The following PIAS4 variants were observed in gnomAD, a reference collection of about 807,000 sequenced individuals.
PIAS4 encodes the protein protein inhibitor of activated STAT 4, also known as E3 SUMO-protein ligase PIAS4.
In PIAS4, 7 loss-of-function variants were observed where a neutral mutation model predicts 58.0. That is an observed-to-expected ratio of 0.12 (90% CI 0.07 to 0.23). PIAS4 has a LOEUF of 0.23. Ranked by LOEUF, PIAS4 falls within the 10% of genes least tolerant of loss-of-function variation. The pLI, the probability that PIAS4 is intolerant of heterozygous loss-of-function variation, is 1.00. For synonymous variants in PIAS4, 364 were observed against 312.4 expected (o/e 1.17, Z -1.74); for missense variants, 550 against 709.5 (o/e 0.78, Z 2.55).
At chr19:4,034,798 G>A (rs1362095184) in intron 9 of PIAS4, among the ~76,000 whole-genome samples, 1 of 152,186 alleles carries the variant, frequency 6.6e-6, no homozygotes, top group Non-Finnish European at 1.5e-5. Context: ...CATGGGACTC[G>A]GTGTAGCCAG....
chr19:4,019,898 G>A (rs1048650205), intron 2 of PIAS4, among the ~76,000 whole-genome samples: 3 of 151,984 alleles, frequency 2.0e-5, no homozygotes, highest in Admixed American at 1.3e-4. Context: ...GCTGGGAGCC[G>A]AGCCCAGGGA....
intron 7 of PIAS4, among the ~76,000 whole-genome samples, chr19:4,031,104 G>T (rs1599230163): frequency 6.6e-6 from 1 of 152,028 alleles, no homozygotes. Flanking sequence ...AGCTGCCCAG[G>T]CCCCTGTGCC....
intron 1 of PIAS4, 35 bp from the exon 2 acceptor site, chr19:4,012,888 G>T (rs1277234830): frequency 1.3e-6 from 2 of 1,578,808 alleles, no homozygotes; most frequent in African/African-American, 2.7e-5. Flanking sequence ...TCGCAGCTGT[G>T]TCCTCTGAGT....
At chr19:4,011,657 T>A (rs925861410) in intron 1 of PIAS4, among the ~76,000 whole-genome samples, 27 of 111,248 alleles carry the variant, frequency 2.4e-4, no homozygotes, top group African/African-American at 1.0e-3. Flanking sequence ...GGAGGTGTGT[T>A]TGGTGTGGAG....
intron 2 of PIAS4, among the ~76,000 whole-genome samples, chr19:4,023,671 C>G (rs897321722): frequency 6.6e-6 from 1 of 152,194 alleles, no homozygotes; most frequent in Non-Finnish European, 1.5e-5. Context: ...GGTTTGTGCT[C>G]AGGAGAGAGG....
In PIAS4 at chr19:4,013,453, C is replaced by A; in HGVS notation, c.454+104C>A. The A allele has an allele frequency of 9.3e-7, 1 of 1,078,956 alleles. No individual in the cohort carries two copies. The highest frequency in any genetic ancestry group is 1.5e-5 in the South Asian group (1 of 66,852). 66.8% of individuals were successfully genotyped at this position (1,078,956 alleles called of 1,614,324 possible). On this transcript the variant is annotated intron_variant, in intron 2 of 10. Coordinates refer to ENST00000262971, the MANE Select transcript of PIAS4 (RefSeq NM_015897.4). This position sits in a 1 kb window ranked among gnomAD's most constrained non-coding sequence, Gnocchi z 5.1. The stretch of plus-strand genomic sequence containing the variant: ...CGACTTCGAGTGATGTTCTCTGTGG[C>A]GCAGCCAGGGCGGGGAGCCACAGTG...
intron 1 of PIAS4, among the ~76,000 whole-genome samples, chr19:4,012,411 G>A (rs149924497): frequency 2.0e-5 from 3 of 152,224 alleles, no homozygotes; most frequent in African/African-American, 7.2e-5. Context: ...TTCCCGGCAG[G>A]TGATTAGTAC....
At chr19:4,028,435 C>A in intron 4 of PIAS4, 75 bp from the exon 5 acceptor site, 1 of 1,123,350 alleles carries the variant, frequency 8.9e-7, no homozygotes, top group Non-Finnish European at 1.3e-6. Context: ...CTGGCTACCA[C>A]TCGTGTACCC....
At chr19:4,029,573 G>C (rs1012933082) in intron 7 of PIAS4, among the ~76,000 whole-genome samples, 1 of 151,476 alleles carries the variant, frequency 6.6e-6, no homozygotes, top group East Asian at 1.9e-4. Context: ...TTTTTAGAGA[G>C]TCAGGGTCTC....
rs1335983675 is a variant in PIAS4 at position 4,035,819 on chromosome 19, A to T, written c.1143-1555A>T. On this transcript the variant is annotated intron_variant, in intron 9 of 10. Transcript: ENST00000262971. ...CACACACACCCGCACACATCCATAC[A>T]GTCCACACCATCACACACACACCCG... 2.0e-5 allele frequency among the ~76,000 whole-genome samples: 3 copies of T among 152,180 alleles called. No homozygotes were observed. In the East Asian group the frequency reaches 5.8e-4, roughly 29 times the overall value.
At chr19:4,010,901 A>C (rs1354071658) in intron 1 of PIAS4, among the ~76,000 whole-genome samples, 1 of 152,210 alleles carries the variant, frequency 6.6e-6, no homozygotes, top group Non-Finnish European at 1.5e-5. Flanking sequence ...GGCCGCCTGC[A>C]CGTGTGTCCC....
chr19:4,038,175 G>C lies in PIAS4; in HGVS notation c.*300G>C. On this transcript the variant is annotated 3_prime_UTR_variant, in exon 11 of 11. Transcript: ENST00000262971. This position sits in a 1 kb window ranked among gnomAD's most constrained non-coding sequence, Gnocchi z 4.1. Reference sequence around the variant, plus strand: ...CCCCGGCTGGAGTCCGAGCCGGGAAGGGGTAGTGGGCGGGAGGGACCAGGA... The same window carrying C: ...CCCCGGCTGGAGTCCGAGCCGGGAACGGGTAGTGGGCGGGAGGGACCAGGA... 1 of 362,418 alleles carries C rather than the reference G, an allele frequency of 2.8e-6. No homozygotes were observed. Among genetic ancestry groups the C allele is most frequent in the Non-Finnish European group, 5.0e-6 (1 of 198,770 alleles). 22.5% of individuals were successfully genotyped at this position (362,418 alleles called of 1,614,324 possible).
intron 7 of PIAS4, among the ~76,000 whole-genome samples, 186 bp from the exon 8 acceptor site, chr19:4,032,914 C>A (rs2040235503): frequency 6.6e-6 from 1 of 152,214 alleles, no homozygotes; most frequent in African/African-American, 2.4e-5. Context: ...GTGGTCAAAT[C>A]TAATGGTGGT....
intron 7 of PIAS4, among the ~76,000 whole-genome samples, chr19:4,031,614 G>T (rs970956164): frequency 4.6e-5 from 7 of 152,164 alleles, no homozygotes; most frequent in Admixed American, 1.3e-4. Flanking sequence ...CCTCTTCTAG[G>T]CCCACGGGGT....
rs1599232096 is a variant in PIAS4 at position 4,033,412 on chromosome 19, C to T, written c.982-8C>T. The T allele has an allele frequency of 6.5e-7, 1 of 1,548,740 alleles. No individual in the cohort carries two copies. Among genetic ancestry groups the T allele is most frequent in the Non-Finnish European group, 8.7e-7 (1 of 1,147,236 alleles). On this transcript the variant is annotated splice_polypyrimidine_tract_variant and splice_region_variant and intron_variant, in intron 8 of 10. Coordinates refer to ENST00000262971, the MANE Select transcript of PIAS4 (RefSeq NM_015897.4). ...GGGTGCCCTGCTCACGCAGCCCCTC[C>T]CCCACAGCTGGTGAAGATGCGGCTC...
chr19:4,038,668 C>A lies in PIAS4; in HGVS notation c.*793C>A. On this transcript the variant is annotated 3_prime_UTR_variant, in exon 11 of 11. Coordinates refer to ENST00000262971, the MANE Select transcript of PIAS4 (RefSeq NM_015897.4). This position sits in a 1 kb window ranked among gnomAD's most constrained non-coding sequence, Gnocchi z 4.1. ...GCCAGCTACCTCGGTAATTCCAATT[C>A]AGGTTAACTTCCCTACGGAACAGCA... 6.5e-6 allele frequency: 1 copy of A among 153,228 alleles called. No homozygotes were observed. The highest frequency in any genetic ancestry group is 1.8e-4 in the South Asian group (1 of 5,614). The allele number at this position is 153,228 out of a possible 1,614,324, so 9.5% of individuals were successfully genotyped here.
At chr19:4,024,205 G>A (rs571599500) in intron 3 of PIAS4, 85 bp downstream of exon 3, 12 of 885,792 alleles carry the variant, frequency 1.4e-5, no homozygotes, top group East Asian at 3.0e-5. Flanking sequence ...CGGCAGCCAC[G>A]TCCACTGCAG....
At position 4,008,012 on chromosome 19, in the gene PIAS4, C is replaced by A. The variant is rs2039959662; in HGVS notation, c.27+225C>A. Among the ~76,000 whole-genome samples the A allele has an allele frequency of 2.0e-5, 3 of 151,580 alleles. No homozygotes were observed. In the South Asian group the frequency reaches 6.2e-4, roughly 32 times the overall value. On this transcript the variant is annotated intron_variant, in intron 1 of 10. Coordinates refer to ENST00000262971, the MANE Select transcript of PIAS4 (RefSeq NM_015897.4). ...TCACCCAGGTCTTCGCGCCGGGGGT[C>A]GCTCCCCCGGCTTCAGGCAGGGTCC...
intron 1 of PIAS4, among the ~76,000 whole-genome samples, chr19:4,009,161 T>G (rs1343451043): frequency 6.6e-6 from 1 of 151,908 alleles, no homozygotes; most frequent in African/African-American, 2.4e-5. Context: ...CTTTCACATC[T>G]TCCCTCCCCA....
Sources: allele counts gnomAD v4.1 joint callset (sites outside exome capture counted in the v4.1 genomes callset), GRCh38; gene constraint gnomAD v4.1.1; non-coding constraint Gnocchi (gnomAD v3.1); transcripts MANE v1.5; gene names NCBI Gene and HGNC (gene_info 2026-07-23, HGNC 2026-07-21).